The following NLRC5 variants were observed in gnomAD, a reference collection of about 807,000 sequenced individuals.
The protein encoded by NLRC5 is NLR family CARD domain containing 5.
Under a neutral mutation model 206.9 loss-of-function variants are expected in NLRC5, and 114 were observed. That is an observed-to-expected ratio of 0.55 (90% confidence interval 0.47 to 0.64). The LOEUF (loss-of-function observed/expected upper bound fraction) is 0.64, where lower values mean the gene tolerates loss of function less well. Among genes scored for constraint, NLRC5 ranks in the 30% least tolerant of loss-of-function variants. The pLI, the probability that NLRC5 is intolerant of heterozygous loss-of-function variation, is 0.00. For missense variants in NLRC5, 2,008 were observed against 2,305.5 expected, an observed-to-expected ratio of 0.87 and a Z score of 2.64; for synonymous variants, 952 against 962.8, an observed-to-expected ratio of 0.99 and a Z score of 0.21.
intron 48 of NLRC5, among the ~76,000 whole-genome samples, chr16:57,081,868 T>C (rs550465826): frequency 1.3e-5 from 2 of 152,354 alleles, no homozygotes; most frequent in African/African-American, 4.8e-5. Context: ...GGGATACTGA[T>C]AGTATCTACC....
chr16:57,039,898 C>T, intron 16 of NLRC5, 49 bp downstream of exon 16: 1 of 1,479,070 alleles, frequency 6.8e-7, no homozygotes, highest in Non-Finnish European at 9.4e-7. Flanking sequence ...GGACATTCCC[C>T]TCTCTACCCT....
chr16:57,081,741 C>A, intron 48 of NLRC5, 131 bp downstream of exon 48: 1 of 729,918 alleles, frequency 1.4e-6, no homozygotes, highest in East Asian at 2.6e-5. Flanking sequence ...ACCACTCCAC[C>A]AAGAATTTGG....
chr16:57,001,533 G>C (rs200663461), intron 1 of NLRC5, among the ~76,000 whole-genome samples: 1 of 152,216 alleles, frequency 6.6e-6, no homozygotes, highest in Non-Finnish European at 1.5e-5. Context: ...CTGGAGAGAC[G>C]GAAGAAGCGA....
intron 21 of NLRC5, among the ~76,000 whole-genome samples, chr16:57,045,803 T>C (rs1335347295): frequency 6.6e-6 from 1 of 152,164 alleles, no homozygotes; most frequent in Non-Finnish European, 1.5e-5. Context: ...CAGGAGAACA[T>C]TTGTGCTTCT....
chr16:57,076,857 A>G lies in NLRC5; in HGVS notation c.4790A>G (p.His1597Arg). 6.2e-7 allele frequency: 1 copy of G among 1,614,004 alleles called. No homozygotes were observed. Among genetic ancestry groups the G allele is most frequent in the South Asian group, 1.1e-5 (1 of 91,078 alleles). Reference sequence around the variant, plus strand: ...AGTATCGGTGATGTCGGTTGCTGCCACCTTTCTGAGGCTCTCAGGGCTGCC... The same window carrying G: ...AGTATCGGTGATGTCGGTTGCTGCCGCCTTTCTGAGGCTCTCAGGGCTGCC... The part of the protein sequence containing the change: ...RNSIGDVGCC[H>R]LSEALRAATS... Residue 1597 changes from histidine to arginine, a missense_variant, in exon 40 of 49, where the codon CAC (histidine) becomes CGC (arginine). His to Arg is a conservative substitution (Grantham distance 29). Coordinates refer to ENST00000688547, the MANE Select transcript of NLRC5 (RefSeq NM_001384950.1).
At chr16:56,998,317 C>G (rs2057872127) in intron 1 of NLRC5, among the ~76,000 whole-genome samples, 1 of 151,928 alleles carries the variant, frequency 6.6e-6, no homozygotes, top group Admixed American at 6.6e-5. Context: ...CTATTTTACT[C>G]ACTGCTTCCA....
chr16:57,021,993 G>A lies in NLRC5; in HGVS notation c.296-263G>A, dbSNP rs560568997. On this transcript the variant is annotated intron_variant, in intron 3 of 48. Transcript: ENST00000688547. ...CCCATGTACACATGCATGCAAGTGT[G>A]CCCACATGCATAACACATGCATGCC... Among the ~76,000 whole-genome samples the A allele has an allele frequency of 2.6e-5, 4 of 152,316 alleles. No homozygotes were observed. In the East Asian group the frequency reaches 5.8e-4, roughly 22 times the overall value.
In NLRC5 at chr16:57,025,397, C is replaced by T. The variant is rs954755620; in HGVS notation, c.454C>T (p.Arg152Trp). ...ELAKKYLQLLRTSAQQRYRSQ... is the reference protein window; with the variant it reads ...ELAKKYLQLLWTSAQQRYRSQ... ...GGCCAAGAAGTACCTGCAGCTCCTG[C>T]GGACCTCTGCCCAGCAGCGCTACAG... Residue 152 changes from arginine (R) to tryptophan (W), a missense_variant, in exon 6 of 49, where the codon CGG becomes TGG. By Grantham distance (101) the Arg-to-Trp change is moderately radical (BLOSUM62 -3). Coordinates refer to ENST00000688547, the MANE Select transcript of NLRC5 (RefSeq NM_001384950.1). 3.2e-6 allele frequency: 5 copies of T among 1,548,480 alleles called. No homozygotes were observed. Among genetic ancestry groups the T allele is most frequent in the East Asian group, 2.3e-5 (1 of 44,384 alleles).
At position 57,082,508 on chromosome 16, in the gene NLRC5, C is replaced by G. The variant is rs758373410; in HGVS notation, c.5581C>G (p.Gln1861Glu). Residue 1861 changes from glutamine (Q) to glutamate (E), a missense_variant, in exon 49 of 49, where the codon CAG (glutamine) becomes GAG (glutamate). Physicochemically the swap from Gln to Glu is conservative, Grantham distance 29 (BLOSUM62 2). Transcript: ENST00000688547. ...LDFAFFDNQP[Q>E]APWGT ...CTTTGCCTTCTTTGACAACCAGCCC[C>G]AGGCCCCTTGGGGTACTTGATGGCC... 1 of 1,613,600 alleles carries G rather than the reference C, an allele frequency of 6.2e-7. No homozygotes were observed. Among genetic ancestry groups the G allele is most frequent in the Non-Finnish European group, 8.5e-7 (1 of 1,179,690 alleles).
chr16:57,058,183 G>T, intron 28 of NLRC5, 35 bp downstream of exon 28: 2 of 1,565,054 alleles, frequency 1.3e-6, no homozygotes, highest in East Asian at 2.3e-5. Flanking sequence ...CAGATAGCAA[G>T]GAGGAAGGCT....
At chr16:57,059,955 G>A (rs2066208974) in intron 30 of NLRC5, among the ~76,000 whole-genome samples, 1 of 152,026 alleles carries the variant, frequency 6.6e-6, no homozygotes, top group African/African-American at 2.4e-5. Context: ...AGGATTAAAT[G>A]AGTTAATAAG....
chr16:56,995,524 A>G (rs752845222), intron 1 of NLRC5, among the ~76,000 whole-genome samples: 2 of 152,168 alleles, frequency 1.3e-5, no homozygotes, highest in Non-Finnish European at 2.9e-5. Context: ...TTTCTCTCCT[A>G]AAAGATTGTG....
chr16:57,040,761 T>A, intron 17 of NLRC5, 43 bp downstream of exon 17: 1 of 1,580,442 alleles, frequency 6.3e-7, no homozygotes, highest in Non-Finnish European at 8.7e-7. Context: ...TCCAGCCCCC[T>A]CCCTTCCCCT....
intron 1 of NLRC5, among the ~76,000 whole-genome samples, chr16:56,994,370 C>T (rs1043096853): frequency 6.6e-6 from 1 of 152,224 alleles, no homozygotes; most frequent in African/African-American, 2.4e-5. Flanking sequence ...GACACCGGCT[C>T]TGGCTCACCA....
At chr16:57,073,885 C>T (rs755717225) in intron 38 of NLRC5, among the ~76,000 whole-genome samples, 10 of 152,256 alleles carry the variant, frequency 6.6e-5, no homozygotes, top group South Asian at 2.1e-4. Context: ...TGAGCCATTG[C>T]GCCCAGCCAG....
chr16:57,079,153 C>T lies in NLRC5; in HGVS notation c.5165+20C>T, dbSNP rs1304071655. 6.2e-7 allele frequency: 1 copy of T among 1,613,950 alleles called. No individual in the cohort carries two copies. Among genetic ancestry groups the T allele is most frequent in the Admixed American group, 1.7e-5 (1 of 60,030 alleles). ...GATCAGGTAAGTAGGGGCTGCCCAG[C>T]CCAGGCACGGGGACAGTCCTGGGCG... On this transcript the variant is annotated intron_variant, in intron 44 of 48. Transcript: ENST00000688547.
At chr16:57,041,799 A>G (rs977935984) in intron 18 of NLRC5, among the ~76,000 whole-genome samples, 183 bp from the exon 19 acceptor site, 8 of 151,960 alleles carry the variant, frequency 5.3e-5, no homozygotes, top group Non-Finnish European at 1.2e-4. Flanking sequence ...GAGGTCCACG[A>G]ACCTCAGAAT....
chr16:57,075,376 C>T (rs572523136), intron 39 of NLRC5, among the ~76,000 whole-genome samples: 8 of 152,314 alleles, frequency 5.3e-5, no homozygotes, highest in East Asian at 3.9e-4. Context: ...TGTGCCACCA[C>T]GCCCGGCTAA....
Position 57,046,565 on chromosome 16 carries a change from A to G in NLRC5, c.3262A>G (p.Thr1088Ala). 3 of 1,613,826 alleles carry G rather than the reference A, an allele frequency of 1.9e-6. No homozygotes were observed. Among genetic ancestry groups the G allele is most frequent in the East Asian group, 2.2e-5 (1 of 44,886 alleles). Residue 1088 changes from threonine (T) to alanine (A), a missense_variant, in exon 22 of 49, where the codon ACT (threonine) becomes GCT (alanine). Transcript: ENST00000688547. Reference protein sequence around the residue: ...GDKTSRDMWATGSLPDFPAAA... With the variant: ...GDKTSRDMWAAGSLPDFPAAA... ...TCCCCCTCCTAGGGATATGTGGGCCACTGGATCTTTGCCAGACTTCCCAGC... is the reference window on the plus strand; with the variant it reads ...TCCCCCTCCTAGGGATATGTGGGCCGCTGGATCTTTGCCAGACTTCCCAGC...
Sources: allele counts gnomAD v4.1 joint callset (sites outside exome capture counted in the v4.1 genomes callset), GRCh38; gene constraint gnomAD v4.1.1; transcripts MANE v1.5; gene names NCBI Gene and HGNC (gene_info 2026-07-23, HGNC 2026-07-21).